ZNF462: variants seen among roughly 807,000 people sequenced by gnomAD.
ZNF462 encodes zinc finger PBX1-interacting protein.
Under a neutral mutation model 201.9 loss-of-function variants are expected in ZNF462, and 10 were observed. The observed-to-expected ratio is 0.05, with a 90% confidence interval of 0.03 to 0.08. The LOEUF is 0.08. Among genes scored for constraint, ZNF462 ranks in the 10% least tolerant of loss-of-function variants. The pLI, the probability that ZNF462 is intolerant of heterozygous loss-of-function variation, is 1.00. For synonymous variants in ZNF462, 1,227 were observed against 1,193.3 expected (o/e 1.03, Z -0.58); for missense variants, 2,523 against 3,168.3 (o/e 0.80, Z 4.89).
At chr9:106,898,647 T>G (rs975740121) in intron 1 of ZNF462, among the ~76,000 whole-genome samples, 4 of 152,034 alleles carry the variant, frequency 2.6e-5, no homozygotes, top group African/African-American at 9.7e-5. Flanking sequence ...GATTGAGGGA[T>G]GAATACAAAT....
chr9:106,945,270 C>G (rs1462678359), intron 7 of ZNF462, among the ~76,000 whole-genome samples: 1 of 152,024 alleles, frequency 6.6e-6, no homozygotes, highest in Non-Finnish European at 1.5e-5. Context: ...AAAAGGAAAC[C>G]CTTCTCTAAG....
chr9:106,876,385 A>G lies in ZNF462; in HGVS notation c.-31+13030A>G, dbSNP rs147122364. On this transcript the variant is annotated intron_variant, in intron 1 of 12. Coordinates refer to ENST00000277225, the MANE Select transcript of ZNF462 (RefSeq NM_021224.6). This position sits in a 1 kb window ranked among gnomAD's most constrained non-coding sequence, Gnocchi z 4.9. The stretch of plus-strand genomic sequence containing the variant: ...GAGATCTTCTCCAGGGCTTTGCCCC[A>G]TTTATCTATGGTCAGTATATTAGGT... Among the ~76,000 whole-genome samples, 2 of 152,310 alleles carry G rather than the reference A, an allele frequency of 1.3e-5. No homozygotes were observed. The highest frequency in any genetic ancestry group is 4.8e-5 in the African/African-American group (2 of 41,566).
At chr9:106,934,296 GAA>G (rs61513773) in intron 5 of ZNF462, among the ~76,000 whole-genome samples, 3,208 of 113,918 alleles carry the variant, frequency 0.028, 130 homozygotes, top group African/African-American at 0.089. Flanking sequence ...CTCTTGAGAT[GAA>G]AAAAAAAAAA....
upstream of ZNF462, among the ~76,000 whole-genome samples, chr9:106,861,207 G>T (rs1367390754): frequency 6.6e-6 from 1 of 152,048 alleles, no homozygotes; most frequent in Non-Finnish European, 1.5e-5. Flanking sequence ...ATCGTGCCTC[G>T]GGGTGAGAGA....
rs1198089432 is a variant in ZNF462 at position 106,880,188 on chromosome 9, A to G, written c.-31+16833A>G. Among the ~76,000 whole-genome samples, 5 of 152,212 alleles carry G rather than the reference A, an allele frequency of 3.3e-5. No individual in the cohort carries two copies. The East Asian group carries it at 7.7e-4, about 24-fold the overall frequency. ...GATTTTCACAGCCTCTCTTGAATGA[A>G]TACTTGCCTCAGATGCTGATCAGTG... On this transcript the variant is annotated intron_variant, in intron 1 of 12. Transcript: ENST00000277225. This position sits in a 1 kb window ranked among gnomAD's most constrained non-coding sequence, Gnocchi z 4.1.
rs141459388 is a variant in ZNF462, at chr9:106,928,208, T to A, written c.4296T>A (p.Ser1432Arg). 6 of 1,613,830 alleles carry A rather than the reference T, an allele frequency of 3.7e-6. No homozygotes were observed. In the African/African-American group the frequency reaches 8.0e-5, roughly 22 times the overall value. ...ELAGPVNCEN[S>R]IPTPFPEQEA... ...CAGGCCCTGTGAATTGTGAAAACAG[T>A]ATACCCACCCCTTTCCCGGAGCAGG... Residue 1432 changes from serine (S) to arginine (R), a missense_variant, in exon 3 of 13, where the codon AGT (serine) becomes AGA (arginine). Coordinates refer to ENST00000277225, the MANE Select transcript of ZNF462 (RefSeq NM_021224.6). This position sits in a 1 kb window ranked among gnomAD's most constrained non-coding sequence, Gnocchi z 9.3.
chr9:106,935,332 G>C lies in ZNF462; in HGVS notation c.6117-171G>C, dbSNP rs1275532055. 6.6e-6 allele frequency among the ~76,000 whole-genome samples: 1 copy of C among 152,014 alleles called. No homozygotes were observed. Among genetic ancestry groups the C allele is most frequent in the Non-Finnish European group, 1.5e-5 (1 of 68,024 alleles). ...TTAGCTTCCTGTCCTCTTAGAGTAGGTACAACTCTTGAAAATTAATTAATT... is the reference window on the plus strand; with the variant it reads ...TTAGCTTCCTGTCCTCTTAGAGTAGCTACAACTCTTGAAAATTAATTAATT... On this transcript the variant is annotated intron_variant, in intron 5 of 12. Transcript: ENST00000277225. This position sits in a 1 kb window ranked among gnomAD's most constrained non-coding sequence, Gnocchi z 4.1.
chr9:106,979,657 A>G (rs1038428345), intron 9 of ZNF462: 2 of 150,544 alleles, frequency 1.3e-5, no homozygotes, highest in Non-Finnish European at 2.9e-5. Flanking sequence ...TTGAACTTGA[A>G]CGAGAAGAGA....
chr9:106,869,472 T>A (rs1827493901), intron 1 of ZNF462, among the ~76,000 whole-genome samples: 1 of 152,222 alleles, frequency 6.6e-6, no homozygotes, highest in Non-Finnish European at 1.5e-5. Context: ...TCTTCTTGGA[T>A]GAGCAAAAGT....
chr9:106,964,209 C>A (rs922569149), intron 7 of ZNF462, among the ~76,000 whole-genome samples: 3 of 151,898 alleles, frequency 2.0e-5, no homozygotes, highest in Non-Finnish European at 4.4e-5. Flanking sequence ...CTTGATCATA[C>A]GATAGTTCTG....
intron 1 of ZNF462, among the ~76,000 whole-genome samples, chr9:106,881,256 T>C (rs539345158): frequency 6.6e-6 from 1 of 152,192 alleles, no homozygotes; most frequent in African/African-American, 2.4e-5. Flanking sequence ...CGTGCCCTCA[T>C]ATGAGGGAGG....
chr9:106,918,355 A>G (rs544637758), intron 1 of ZNF462, among the ~76,000 whole-genome samples: 1 of 152,210 alleles, frequency 6.6e-6, no homozygotes, highest in Non-Finnish European at 1.5e-5. Context: ...AATTATATCT[A>G]TAATTATGTG....
chr9:106,983,841 C>T (rs1827625040), intron 9 of ZNF462, among the ~76,000 whole-genome samples: 1 of 152,206 alleles, frequency 6.6e-6, no homozygotes, highest in South Asian at 2.1e-4. Flanking sequence ...TGTCAGTAAT[C>T]ATTAATGTTG....
chr9:106,865,090 C>T lies in ZNF462; in HGVS notation c.-31+1735C>T, dbSNP rs1286774830. 6.6e-6 allele frequency among the ~76,000 whole-genome samples: 1 copy of T among 152,138 alleles called. No individual in the cohort carries two copies. The highest frequency in any genetic ancestry group is 1.5e-5 in the Non-Finnish European group (1 of 68,016). ...AAACCTTGTGGTGGTTCCTCACTGT[C>T]TATTCATTATGCAAGGAAATGAGGG... On this transcript the variant is annotated intron_variant, in intron 1 of 12. Transcript: ENST00000277225. The surrounding 1 kb of genome is among the most constrained non-coding windows in gnomAD (Gnocchi z 4.1).
chr9:106,897,342 G>C (rs1039671951), intron 1 of ZNF462, among the ~76,000 whole-genome samples: 5 of 152,104 alleles, frequency 3.3e-5, no homozygotes, highest in Non-Finnish European at 7.4e-5. Context: ...AATTCCCTTA[G>C]TACAGGTTTT....
At chr9:106,942,924 A>C (rs1271474593) in intron 7 of ZNF462, among the ~76,000 whole-genome samples, 1 of 140,334 alleles carries the variant, frequency 7.1e-6, no homozygotes, top group South Asian at 2.1e-4. Flanking sequence ...TGTTTCATCT[A>C]TCTATGCAGT....
Position 106,929,536 on chromosome 9 carries a change from A to G in ZNF462, c.5624A>G (p.Lys1875Arg). The G allele has an allele frequency of 6.2e-7, 1 of 1,614,208 alleles. No homozygotes were observed. Among genetic ancestry groups the G allele is most frequent in the South Asian group, 1.1e-5 (1 of 91,078 alleles). The change falls in exon 3 of 13, where the codon AAG (lysine) becomes AGG (arginine). Residue 1875 changes from lysine (K) to arginine (R), a missense_variant. Physicochemically the swap from Lys to Arg is conservative, Grantham distance 26. Coordinates refer to ENST00000277225, the MANE Select transcript of ZNF462 (RefSeq NM_021224.6). This position sits in a 1 kb window ranked among gnomAD's most constrained non-coding sequence, Gnocchi z 8.7. Reference protein sequence around the residue: ...HYTDHHSRDLKRDFIILGNGP... With the variant: ...HYTDHHSRDLRRDFIILGNGP... ...ACTGACCACCACAGTCGGGACCTAA[A>G]GAGGGACTTCATCATTCTGGGCAAC...
chr9:106,871,011 G>T (rs556088788), intron 1 of ZNF462, among the ~76,000 whole-genome samples: 4 of 152,286 alleles, frequency 2.6e-5, no homozygotes, highest in Non-Finnish European at 5.9e-5. Context: ...GAGGCTGGGG[G>T]GTGGGAGCCG....
intron 6 of ZNF462, among the ~76,000 whole-genome samples, chr9:106,937,063 C>G (rs541159166): frequency 8.1e-4 from 123 of 152,304 alleles, no homozygotes; most frequent in African/African-American, 2.8e-3. Flanking sequence ...AGACTCTTGA[C>G]TCATCTTGTC....
Sources: allele counts gnomAD v4.1 joint callset (sites outside exome capture counted in the v4.1 genomes callset), GRCh38; gene constraint gnomAD v4.1.1; non-coding constraint Gnocchi (gnomAD v3.1); transcripts MANE v1.5; gene names NCBI Gene and HGNC (gene_info 2026-07-23, HGNC 2026-07-21).